Variants in CASZ1 observed in about 807,000 individuals in gnomAD.
CASZ1 encodes the protein zinc finger protein castor homolog 1.
In CASZ1, 28 loss-of-function variants were observed where a neutral mutation model predicts 135.2. That is an observed-to-expected ratio of 0.21 (90% CI 0.15 to 0.28). CASZ1 has a LOEUF of 0.28. CASZ1 is among the 10% of genes least tolerant of loss of function. The pLI is 1.00. For synonymous variants in CASZ1, 1,068 were observed against 1,073.4 expected (o/e 0.99, Z 0.10); for missense variants, 2,161 against 2,453.3 (o/e 0.88, Z 2.52).
At chr1:10,793,680 C>T (rs1195269543) in intron 1 of CASZ1, among the ~76,000 whole-genome samples, 1 of 151,062 alleles carries the variant, frequency 6.6e-6, no homozygotes, top group Non-Finnish European at 1.5e-5. Context: ...CATAAACTCT[C>T]CTTAACCGCC....
Position 10,638,234 on chromosome 1 carries a change from C to G in CASZ1, c.*708G>C, listed in dbSNP as rs938560064. 1 of 152,388 alleles carries G rather than the reference C, an allele frequency of 6.6e-6. No homozygotes were observed. The highest frequency in any genetic ancestry group is 1.5e-5 in the Non-Finnish European group (1 of 68,042). The allele number at this position is 152,388 out of a possible 1,614,324, so 9.4% of individuals were successfully genotyped here. ...GGCGCATCCTTCCTGTTTGCACCACCAGGGTGGCCGAGACCCCGCCCCGGC... is the reference window on the plus strand; with the variant it reads ...GGCGCATCCTTCCTGTTTGCACCACGAGGGTGGCCGAGACCCCGCCCCGGC... On this transcript the variant is annotated 3_prime_UTR_variant, in exon 21 of 21. Transcript: ENST00000377022. The surrounding 1 kb of genome is among the most constrained non-coding windows in gnomAD (Gnocchi z 5.9).
intron 2 of CASZ1, among the ~76,000 whole-genome samples, chr1:10,730,767 C>G (rs1639689318): frequency 6.6e-6 from 1 of 152,334 alleles, no homozygotes; most frequent in Non-Finnish European, 1.5e-5. Flanking sequence ...TACTTAACAG[C>G]TTTTCTGATG....
intron 18 of CASZ1, 73 bp downstream of exon 18, chr1:10,644,844 G>A: frequency 6.7e-7 from 1 of 1,491,478 alleles, no homozygotes; most frequent in South Asian, 1.3e-5. Flanking sequence ...ACCAGGAGAG[G>A]CGGCCCAGGC....
rs1385169461 is a variant in CASZ1, at chr1:10,711,517, A to AAG, written c.-76-5975_-76-5974dup. Among the ~76,000 whole-genome samples, 1 of 152,036 alleles carries AAG rather than the reference A, an allele frequency of 6.6e-6. No homozygotes were observed. On this transcript the variant is annotated intron_variant, in intron 2 of 20. Transcript: ENST00000377022. The surrounding 1 kb of genome is among the most constrained non-coding windows in gnomAD (Gnocchi z 4.4). ...ATTAGTTTCCAGGGTCCCTGCCTTT[A>AAG]AGAAGCTAGGAGAGATGGTGCAATT...
At chr1:10,662,747 C>A (rs1643092077) in intron 5 of CASZ1, among the ~76,000 whole-genome samples, 1 of 152,164 alleles carries the variant, frequency 6.6e-6, no homozygotes, top group Non-Finnish European at 1.5e-5. Context: ...CACACACTCA[C>A]ACACCTCACA....
intron 2 of CASZ1, among the ~76,000 whole-genome samples, chr1:10,713,970 G>GA (rs1218692251): frequency 6.6e-6 from 1 of 152,224 alleles, no homozygotes; most frequent in African/African-American, 2.4e-5. Context: ...AGTGGGTCCA[G>GA]AGGCAGACTG....
At chr1:10,670,364 C>G (rs1332468283) in intron 4 of CASZ1, among the ~76,000 whole-genome samples, 1 of 152,246 alleles carries the variant, frequency 6.6e-6, no homozygotes, top group African/African-American at 2.4e-5. Context: ...CTCAGATGCC[C>G]AAGGTCATAA....
intron 2 of CASZ1, among the ~76,000 whole-genome samples, chr1:10,715,356 C>G (rs939093760): frequency 8.5e-5 from 13 of 152,100 alleles, no homozygotes; most frequent in African/African-American, 2.9e-4. Flanking sequence ...CCGCGCTAGG[C>G]AGGATCTGCG....
intron 2 of CASZ1, among the ~76,000 whole-genome samples, chr1:10,760,324 G>A (rs1640349129): frequency 6.6e-6 from 1 of 152,240 alleles, no homozygotes; most frequent in Non-Finnish European, 1.5e-5. Context: ...GGCATCTGAT[G>A]GAGAATGGTC....
chr1:10,669,235 C>T (rs1181504868), intron 4 of CASZ1, among the ~76,000 whole-genome samples: 3 of 152,218 alleles, frequency 2.0e-5, no homozygotes, highest in Non-Finnish European at 2.9e-5. Flanking sequence ...TGGCCAGGAG[C>T]TCCCGAAGGC....
chr1:10,738,254 G>A (rs749364702), intron 2 of CASZ1, among the ~76,000 whole-genome samples: 16 of 152,158 alleles, frequency 1.1e-4, no homozygotes, highest in Non-Finnish European at 1.6e-4. Context: ...GAACAGGGCC[G>A]CCTGGGCCTT....
At chr1:10,650,337 C>T (rs920602716) in intron 13 of CASZ1, 2 of 153,558 alleles carry the variant, frequency 1.3e-5, no homozygotes, top group African/African-American at 2.4e-5. Context: ...CTTTAGTCCC[C>T]CCTCCCCCAT....
Position 10,759,287 on chromosome 1 carries a change from G to A in CASZ1, c.-77+1414C>T, listed in dbSNP as rs368235981. ...AAGCAGAGTCTGTTAAGAATAGCCC[G>A]GGAAGGTGGCAGAGGTGCAGGTGCT... is the stretch of plus-strand genomic sequence containing the variant. On this transcript the variant is annotated intron_variant, in intron 2 of 20. Coordinates refer to ENST00000377022, the MANE Select transcript of CASZ1 (RefSeq NM_001079843.3). The surrounding 1 kb of genome is among the most constrained non-coding windows in gnomAD (Gnocchi z 4.2). Among the ~76,000 whole-genome samples, 3 of 152,284 alleles carry A rather than the reference G, an allele frequency of 2.0e-5. No homozygotes were observed. Among genetic ancestry groups the A allele is most frequent in the East Asian group, 3.9e-4 (2 of 5,190 alleles).
intron 1 of CASZ1, among the ~76,000 whole-genome samples, chr1:10,786,381 G>T (rs76609180): frequency 0.011 from 1,690 of 152,316 alleles, 84 homozygotes; most frequent in Admixed American, 0.08. Context: ...AGGACCCCAG[G>T]CAGGCCAGAG....
At chr1:10,704,438 C>A (rs1022485501) in intron 3 of CASZ1, 1 of 152,170 alleles carries the variant, frequency 6.6e-6, no homozygotes, top group African/African-American at 2.4e-5. Flanking sequence ...TGCCCTACAC[C>A]GGGCCGCCTC....
chr1:10,795,956 C>T (rs1198844245), intron 1 of CASZ1, among the ~76,000 whole-genome samples: 1 of 152,102 alleles, frequency 6.6e-6, no homozygotes, highest in Non-Finnish European at 1.5e-5. Context: ...GTTCCCCACC[C>T]ACCCCTTCCC....
At chr1:10,645,160 G>A in intron 17 of CASZ1, 72 bp from the exon 18 acceptor site, 2 of 1,327,792 alleles carry the variant, frequency 1.5e-6, no homozygotes, top group East Asian at 2.3e-5. Context: ...CGGGCCTGAG[G>A]CTGTGGTGGG....
At position 10,684,288 on chromosome 1, in the gene CASZ1, G is replaced by C. The variant is rs369200852; in HGVS notation, c.16+9586C>G. ...GAGAAGGCTCAGTGTTAAAGGGGTG[G>C]GATCACAGCTGCAAGCCCTTTTCTA... On this transcript the variant is annotated intron_variant, in intron 4 of 20. Coordinates refer to ENST00000377022, the MANE Select transcript of CASZ1 (RefSeq NM_001079843.3). 4.6e-5 allele frequency among the ~76,000 whole-genome samples: 7 copies of C among 152,236 alleles called. No homozygotes were observed. In the East Asian group the frequency reaches 9.7e-4, roughly 21 times the overall value.
rs1039132592 is a variant in CASZ1 at position 10,721,342 on chromosome 1, C to A, written c.-76-15798G>T. Among the ~76,000 whole-genome samples the A allele has an allele frequency of 5.3e-5, 8 of 152,054 alleles. No individual in the cohort carries two copies. Among genetic ancestry groups the A allele is most frequent in the African/African-American group, 1.9e-4 (8 of 41,400 alleles). ...ATTTTATGTCTCCAAATATGCAGATCATTTTCTTTAATGAAAGATGCTTGA... is the reference window on the plus strand; with the variant it reads ...ATTTTATGTCTCCAAATATGCAGATAATTTTCTTTAATGAAAGATGCTTGA... On this transcript the variant is annotated intron_variant, in intron 2 of 20. Coordinates refer to ENST00000377022, the MANE Select transcript of CASZ1 (RefSeq NM_001079843.3). The surrounding 1 kb of genome is among the most constrained non-coding windows in gnomAD (Gnocchi z 5.4).
Sources: gnomAD v4.1 joint callset for allele counts (sites outside exome capture counted in the v4.1 genomes callset) on GRCh38, gnomAD v4.1.1 for gene constraint, Gnocchi (gnomAD v3.1) non-coding constraint, MANE v1.5 for transcripts, NCBI Gene and HGNC (gene_info 2026-07-23, HGNC 2026-07-21) for gene names.